Variants in ZFHX4 observed in about 807,000 individuals in gnomAD.
ZFHX4 encodes zinc finger homeobox protein 4.
A neutral mutation model predicts 267.6 loss-of-function variants in ZFHX4; 56 were observed. The ratio of observed to expected loss-of-function variants is 0.21; its 90% confidence interval spans 0.17 to 0.26. The LOEUF (loss-of-function observed/expected upper bound fraction) is 0.26, where lower values mean the gene tolerates loss of function less well. Ranked by LOEUF, ZFHX4 falls within the 10% of genes least tolerant of loss-of-function variation. The probability of loss-of-function intolerance (pLI) is 1.00; values close to 1 mark genes in which losing one functional copy is unlikely to be tolerated. For synonymous variants in ZFHX4, 1,778 were observed against 1,665.6 expected (o/e 1.07, Z -1.64); for missense variants, 4,332 against 4,420.0 (o/e 0.98, Z 0.56).
chr8:76,740,122 T>C (rs967931951), intron 3 of ZFHX4, among the ~76,000 whole-genome samples: 1 of 152,160 alleles, frequency 6.6e-6, no homozygotes, highest in Admixed American at 6.6e-5. Context: ...AACTTTATTT[T>C]GTATGTGTTT....
At chr8:76,762,112 T>G (rs1809930119) in intron 3 of ZFHX4, among the ~76,000 whole-genome samples, 1 of 152,124 alleles carries the variant, frequency 6.6e-6, no homozygotes, top group Non-Finnish European at 1.5e-5. Flanking sequence ...TTCTAATAGA[T>G]ACCATCATGA....
intron 3 of ZFHX4, among the ~76,000 whole-genome samples, chr8:76,760,515 C>T (rs73693406): frequency 0.014 from 2,081 of 152,080 alleles, 45 homozygotes; most frequent in African/African-American, 0.047. Flanking sequence ...AATTATGATA[C>T]GTCCTGTGAA....
chr8:76,797,886 ATGTGTG>A (rs10694486), intron 4 of ZFHX4, among the ~76,000 whole-genome samples: 2,454 of 140,258 alleles, frequency 0.017, 57 homozygotes, highest in African/African-American at 0.054. Context: ...GTGTGTCTGT[ATGTGTG>A]TGTGTGTGTG....
intron 1 of ZFHX4, among the ~76,000 whole-genome samples, chr8:76,692,342 T>C (rs1229392111): frequency 6.6e-6 from 1 of 152,152 alleles, no homozygotes; most frequent in Admixed American, 6.5e-5. Flanking sequence ...CTGGATTATG[T>C]ACTTGCTATT....
Position 76,855,127 on chromosome 8 carries a change from C to T in ZFHX4, c.8206C>T (p.Pro2736Ser). The change falls in exon 10 of 11, where the codon CCA (proline) becomes TCA (serine). Residue 2736 changes from proline (P) to serine (S), a missense_variant. Transcript: ENST00000651372. ...KYIYFDYPSL[P>S]LTKIDLSSEN... ...CATCTATTTTGATTACCCATCTTTG[C>T]CATTAACTAAAATTGATCTATCAAG... The T allele has an allele frequency of 6.2e-7, 1 of 1,613,502 alleles. No homozygotes were observed. The highest frequency in any genetic ancestry group is 1.1e-5 in the South Asian group (1 of 91,014).
In ZFHX4 at chr8:76,705,460, G is replaced by C. The variant is rs565907431; in HGVS notation, c.1372G>C (p.Gly458Arg). The change falls in exon 2 of 11, where the codon GGG becomes CGG. Residue 458 changes from glycine to arginine, a missense_variant. Physicochemically the swap from Gly to Arg is moderately radical, Grantham distance 125 (BLOSUM62 -2). Coordinates refer to ENST00000651372, the MANE Select transcript of ZFHX4 (RefSeq NM_024721.5). ...PKESNVLHPN[G>R]ECPVKSEPTE... ...AGAAAGCAACGTTTTACACCCAAAC[G>C]GGGAGTGCCCTGTCAAAAGTGAACC... 5.0e-6 allele frequency: 8 copies of C among 1,613,710 alleles called. No homozygotes were observed. Among genetic ancestry groups the C allele is most frequent in the Non-Finnish European group, 6.8e-6 (8 of 1,179,806 alleles).
At chr8:76,817,409 A>C (rs1488335761) in intron 4 of ZFHX4, among the ~76,000 whole-genome samples, 1 of 152,168 alleles carries the variant, frequency 6.6e-6, no homozygotes, top group East Asian at 1.9e-4. Context: ...CATAAAATTA[A>C]AAGTCAAGTT....
intron 3 of ZFHX4, among the ~76,000 whole-genome samples, chr8:76,709,803 G>A (rs976402574): frequency 1.6e-3 from 122 of 78,128 alleles, no homozygotes; most frequent in African/African-American, 9.0e-3. Context: ...GTGTGTGTGC[G>A]TGTGTGTGTG....
chr8:76,781,584 T>A (rs1228356673), intron 4 of ZFHX4, among the ~76,000 whole-genome samples: 1 of 152,084 alleles, frequency 6.6e-6, no homozygotes, highest in Non-Finnish European at 1.5e-5. Context: ...ATGCATAATT[T>A]GGGTGGAAGA....
At chr8:76,738,649 T>TCCTA (rs1809231910) in intron 3 of ZFHX4, among the ~76,000 whole-genome samples, 2 of 145,692 alleles carry the variant, frequency 1.4e-5, no homozygotes, top group East Asian at 4.1e-4. Flanking sequence ...CTTCCTTCCT[T>TCCTA]CTTTCCTTCC....
At chr8:76,816,382 G>A (rs1444402766) in intron 4 of ZFHX4, among the ~76,000 whole-genome samples, 2 of 152,030 alleles carry the variant, frequency 1.3e-5, no homozygotes, top group African/African-American at 4.8e-5. Flanking sequence ...CTTGTTCTGG[G>A]TTCTTTTGCC....
rs370004516 is a variant in ZFHX4 at position 76,854,217 on chromosome 8, A to G, written c.7296A>G (p.Ala2432=). ...GCACCAAACCAGCCCTGCCATTAGC[A>G]TCGACTTCCTCGGACCCACCACAGG... ...SQGTKPALPL[A]STSSDPPQAS... Residue 2432 remains alanine, a synonymous_variant, in exon 10 of 11, where the codon GCA becomes GCG. Coordinates refer to ENST00000651372, the MANE Select transcript of ZFHX4 (RefSeq NM_024721.5). 40 of 1,567,356 alleles carry G rather than the reference A, an allele frequency of 2.6e-5. No individual in the cohort carries two copies. Among genetic ancestry groups the G allele is most frequent in the Non-Finnish European group, 3.3e-5 (38 of 1,156,376 alleles).
At chr8:76,826,029 A>C (rs1811776486) in intron 4 of ZFHX4, among the ~76,000 whole-genome samples, 1 of 152,234 alleles carries the variant, frequency 6.6e-6, no homozygotes, top group Non-Finnish European at 1.5e-5. Context: ...TTTATGAGGA[A>C]AAGAAGCTTA....
chr8:76,762,051 G>C (rs1465021847), intron 3 of ZFHX4, among the ~76,000 whole-genome samples: 1 of 152,162 alleles, frequency 6.6e-6, no homozygotes, highest in Admixed American at 6.6e-5. Context: ...CTGGAGGACA[G>C]CCAGTAGTTC....
chr8:76,859,609 G>A (rs1215829981), intron 10 of ZFHX4, among the ~76,000 whole-genome samples: 5 of 152,042 alleles, frequency 3.3e-5, no homozygotes, highest in South Asian at 2.1e-4. Context: ...TTCCATTAGT[G>A]TTTGGAAATA....
rs34436337 is a variant in ZFHX4, at chr8:76,696,634, CAAA to C, written c.-46-7394_-46-7392del. ...GCAGCAGTCAAATTTACTTTCAGGC[CAAA>C]AAAAAAAAAAAAAACTCAAATAAAA... is the stretch of plus-strand genomic sequence containing the variant. On this transcript the variant is annotated intron_variant, in intron 1 of 10. Transcript: ENST00000651372. Among the ~76,000 whole-genome samples, 13 of 102,100 alleles carry C rather than the reference CAAA, an allele frequency of 1.3e-4. No individual in the cohort carries two copies. The South Asian group carries it at 1.9e-3, about 15-fold the overall frequency. The allele number at this position is 102,100 out of a possible 152,430, so 67.0% of individuals were successfully genotyped here.
At chr8:76,773,000 T>C (rs1810307781) in intron 3 of ZFHX4, among the ~76,000 whole-genome samples, 1 of 152,054 alleles carries the variant, frequency 6.6e-6, no homozygotes, top group Non-Finnish European at 1.5e-5. Flanking sequence ...TTGTATGAGG[T>C]TATATTTGTT....
Position 76,854,181 on chromosome 8 carries a change from C to G in ZFHX4, c.7260C>G (p.Pro2420=), listed in dbSNP as rs1486491700. ...AGCCAAAGCAGAGTGACCCCTCTCC[C>G]CCTTCTCAAGGCACCAAACCAGCCC... The part of the protein sequence containing the change: ...AEKPKQSDPS[P]PSQGTKPALP... The change falls in exon 10 of 11, where the codon CCC becomes CCG. Residue 2420 remains proline, a synonymous_variant. Transcript: ENST00000651372. The G allele has an allele frequency of 6.3e-7, 1 of 1,579,382 alleles. No individual in the cohort carries two copies. Among genetic ancestry groups the G allele is most frequent in the Admixed American group, 1.9e-5 (1 of 53,068 alleles).
chr8:76,855,496 G>C lies in ZFHX4; in HGVS notation c.8575G>C (p.Val2859Leu). The stretch of plus-strand genomic sequence containing the variant: ...ACCTGCAACCACACCTACCACGGAG[G>C]TCTGCGATGACAAATTTCTCTTTTC... ...PKPATTPTTE[V>L]CDDKFLFSLT... Residue 2859 changes from valine to leucine, a missense_variant, in exon 10 of 11, where the codon GTC becomes CTC. By Grantham distance (32) the Val-to-Leu change is conservative. This residue lies in a region of ZFHX4 where 1,648 missense variants were observed against 1,625.0 expected (regional missense o/e 1.01). Coordinates refer to ENST00000651372, the MANE Select transcript of ZFHX4 (RefSeq NM_024721.5). The C allele has an allele frequency of 1.2e-6, 2 of 1,613,772 alleles. No individual in the cohort carries two copies. Among genetic ancestry groups the C allele is most frequent in the Non-Finnish European group, 8.5e-7 (1 of 1,179,866 alleles).
Sources: allele counts gnomAD v4.1 joint callset (sites outside exome capture counted in the v4.1 genomes callset), GRCh38; gene constraint gnomAD v4.1.1; regional missense constraint gnomAD v4.1.1; transcripts MANE v1.5; gene names NCBI Gene and HGNC (gene_info 2026-07-23, HGNC 2026-07-21).